SUPT3H: variants seen among roughly 807,000 people sequenced by gnomAD.
SUPT3H encodes SPT3 homolog, SAGA and STAGA complex component.
Under a neutral mutation model 44.3 loss-of-function variants are expected in SUPT3H, and 44 were observed. The observed-to-expected ratio is 0.99, with a 90% CI of 0.78 to 1.28. The LOEUF is 1.28. Among genes scored for constraint, SUPT3H ranks in the 50% most tolerant of loss-of-function variants. The probability of loss-of-function intolerance (pLI) is 0.00; values close to 1 mark genes in which losing one functional copy is unlikely to be tolerated. For synonymous variants in SUPT3H, 124 were observed against 125.6 expected (o/e 0.99, Z 0.09); for missense variants, 380 against 387.1 (o/e 0.98, Z 0.15).
chr6:44,856,291 G>C (rs1773708668), intron 10 of SUPT3H, among the ~76,000 whole-genome samples: 1 of 152,174 alleles, frequency 6.6e-6, no homozygotes, highest in South Asian at 2.1e-4. Flanking sequence ...GCATCTTTAA[G>C]ACAGCTAGTC....
chr6:45,179,053 A>T (rs1177527506), intron 2 of SUPT3H, among the ~76,000 whole-genome samples: 3 of 152,176 alleles, frequency 2.0e-5, no homozygotes, highest in African/African-American at 7.2e-5. Context: ...GGATATCACC[A>T]CCGATCCCAC....
At chr6:45,275,501 A>AG (rs1421850928) in intron 2 of SUPT3H, among the ~76,000 whole-genome samples, 2 of 152,210 alleles carry the variant, frequency 1.3e-5, no homozygotes, top group African/African-American at 4.8e-5. Context: ...ACGTCTTGAA[A>AG]GACAGGAAAA....
intron 5 of SUPT3H, among the ~76,000 whole-genome samples, chr6:45,008,337 C>T (rs1401785927): frequency 6.6e-6 from 1 of 152,066 alleles, no homozygotes; most frequent in Admixed American, 6.6e-5. Context: ...CTCAACAGCA[C>T]TTGTTATTAT....
At chr6:45,032,035 C>T (rs1267437136) in intron 3 of SUPT3H, among the ~76,000 whole-genome samples, 3 of 152,252 alleles carry the variant, frequency 2.0e-5, no homozygotes, top group Non-Finnish European at 2.9e-5. Context: ...AATGCAATTG[C>T]TAATTAATAT....
At chr6:44,936,935 G>A (rs1440232053) in intron 9 of SUPT3H, among the ~76,000 whole-genome samples, 1 of 151,898 alleles carries the variant, frequency 6.6e-6, no homozygotes, top group Non-Finnish European at 1.5e-5. Flanking sequence ...CCAATGTGCT[G>A]GAATTACAGG....
intron 1 of SUPT3H, among the ~76,000 whole-genome samples, chr6:45,374,885 C>T (rs1322018070): frequency 6.6e-6 from 1 of 152,160 alleles, no homozygotes; most frequent in Admixed American, 6.5e-5. Flanking sequence ...TATTTAGACA[C>T]AAAAACAGTA....
At chr6:45,340,335 C>G (rs1789496080) in intron 2 of SUPT3H, among the ~76,000 whole-genome samples, 1 of 151,938 alleles carries the variant, frequency 6.6e-6, no homozygotes. Context: ...AAGCCCCCTT[C>G]CCCCTCAAGA....
chr6:45,270,571 A>C (rs1416346476), intron 2 of SUPT3H, among the ~76,000 whole-genome samples: 1 of 152,160 alleles, frequency 6.6e-6, no homozygotes, highest in Non-Finnish European at 1.5e-5. Flanking sequence ...CATAATTGTG[A>C]GGGTTCCTCA....
At chr6:45,008,261 T>C (rs1782991825) in intron 5 of SUPT3H, among the ~76,000 whole-genome samples, 1 of 152,210 alleles carries the variant, frequency 6.6e-6, no homozygotes, top group South Asian at 2.1e-4. Flanking sequence ...ACTTCCAAAA[T>C]GCTTTCTGAA....
At chr6:44,948,616 T>C (rs927698299) in intron 9 of SUPT3H, among the ~76,000 whole-genome samples, 10 of 152,220 alleles carry the variant, frequency 6.6e-5, no homozygotes, top group African/African-American at 2.4e-4. Context: ...AAGACATTTA[T>C]GCAGCCAAAA....
At chr6:45,296,185 T>TATATATATATAC (rs377152580) in intron 2 of SUPT3H, among the ~76,000 whole-genome samples, 14 of 140,454 alleles carry the variant, frequency 1.0e-4, no homozygotes, top group Non-Finnish European at 3.1e-5. Flanking sequence ...ATACACATAC[T>TATATATATATAC]ACACACACAC....
At chr6:44,918,342 T>C (rs1768131126) in intron 10 of SUPT3H, among the ~76,000 whole-genome samples, 1 of 152,182 alleles carries the variant, frequency 6.6e-6, no homozygotes, top group Admixed American at 6.6e-5. Context: ...CCACATCAGA[T>C]TTATAGTTCA....
Position 45,106,020 on chromosome 6 carries a change from T to G in SUPT3H, c.102-14A>C. 6.3e-7 allele frequency: 1 copy of G among 1,599,896 alleles called. No individual in the cohort carries two copies. The highest frequency in any genetic ancestry group is 1.7e-4 in the Middle Eastern group (1 of 6,030). On this transcript the variant is annotated splice_polypyrimidine_tract_variant and intron_variant, in intron 2 of 10. Coordinates refer to ENST00000371459, the MANE Select transcript of SUPT3H (RefSeq NM_003599.4). ...CCTAAAGAATACCTGCAAAATAATT[T>G]TAAACACACCAATATTAAGGACTAT...
At position 44,876,857 on chromosome 6, in the gene SUPT3H, G is replaced by GA. The variant is rs1198321571; in HGVS notation, c.913-47001dup. Among the ~76,000 whole-genome samples the GA allele has an allele frequency of 2.7e-3, 318 of 116,000 alleles. 6 individuals carry two copies. The highest frequency in any genetic ancestry group is 8.6e-3 in the African/African-American group (281 of 32,508). 76.1% of individuals were successfully genotyped at this position (116,000 alleles called of 152,430 possible). On this transcript the variant is annotated intron_variant, in intron 10 of 10. Transcript: ENST00000371459. ...AATTGAAAAAAAAAAAAAAGAAAAA[G>GA]AAAAAAAAAGTGTATGACATTGTAT...
Position 45,014,827 on chromosome 6 carries a change from C to T in SUPT3H, c.338G>A (p.Gly113Asp). 4 of 1,590,982 alleles carry T rather than the reference C, an allele frequency of 2.5e-6. No homozygotes were observed. The highest frequency in any genetic ancestry group is 3.4e-6 in the Non-Finnish European group (4 of 1,170,034). ...TTCGAGAAGATCATCCTCATCGATG[C>T]CTTTGACAATCTTTGATTTGTAGTC... is the stretch of plus-strand genomic sequence containing the variant. ...IRDYKSKIVK[G>D]IDEDDLLEDK... is the part of the protein sequence containing the mutation. The change falls in exon 5 of 11, where the codon GGC (glycine) becomes GAC (aspartate). Residue 113 changes from glycine to aspartate, a missense_variant. By Grantham distance (94) the Gly-to-Asp change is moderately conservative. Transcript: ENST00000371459.
At chr6:45,214,232 T>G (rs1764646143) in intron 2 of SUPT3H, among the ~76,000 whole-genome samples, 1 of 151,690 alleles carries the variant, frequency 6.6e-6, no homozygotes, top group African/African-American at 2.4e-5. Flanking sequence ...CCACACACAT[T>G]CTCAATCCAT....
chr6:45,063,058 C>T (rs1792459916), intron 3 of SUPT3H, among the ~76,000 whole-genome samples: 1 of 149,200 alleles, frequency 6.7e-6, no homozygotes, highest in Non-Finnish European at 1.5e-5. Context: ...CTTAAGTGTC[C>T]CTGTCTGACA....
At chr6:45,363,732 T>A (rs12663469) in intron 2 of SUPT3H, among the ~76,000 whole-genome samples, 22,995 of 151,998 alleles carry the variant, frequency 0.15, 1,985 homozygotes, top group East Asian at 0.26. Context: ...TTTCCATAAT[T>A]TAAAATATAG....
At chr6:44,963,916 T>C (rs1776419185) in intron 6 of SUPT3H, among the ~76,000 whole-genome samples, 1 of 151,476 alleles carries the variant, frequency 6.6e-6, no homozygotes, top group Non-Finnish European at 1.5e-5. Flanking sequence ...GAGAATCGCT[T>C]GAACTCGGGA....
Sources: allele counts gnomAD v4.1 joint callset (sites outside exome capture counted in the v4.1 genomes callset), GRCh38; gene constraint gnomAD v4.1.1; transcripts MANE v1.5; gene names NCBI Gene and HGNC (gene_info 2026-07-23, HGNC 2026-07-21).